Variants in SEC23IP observed in about 807,000 individuals in gnomAD.
The protein encoded by SEC23IP is SEC23-interacting protein.
In SEC23IP, 70 loss-of-function variants were observed where a neutral mutation model predicts 113.4. That is an observed-to-expected ratio of 0.62 (90% CI 0.51 to 0.75). The LOEUF (loss-of-function observed/expected upper bound fraction) is 0.75, where lower values mean the gene tolerates loss of function less well. Ranked by LOEUF, SEC23IP falls within the 30% of genes least tolerant of loss-of-function variation. SEC23IP has a pLI of 0.00. For synonymous variants in SEC23IP, 398 were observed against 421.0 expected (o/e 0.95, Z 0.67); for missense variants, 1,160 against 1,204.9 (o/e 0.96, Z 0.55).
intron 15 of SEC23IP, 151 bp from the exon 16 acceptor site, chr10:119,931,982 G>A: frequency 2.0e-6 from 1 of 502,250 alleles, no homozygotes; most frequent in Non-Finnish European, 3.6e-6. Context: ...ACATGCTGAG[G>A]GTTCTTGGCT....
chr10:119,929,797 CT>C, intron 14 of SEC23IP, 35 bp downstream of exon 14: 2 of 1,464,298 alleles, frequency 1.4e-6, no homozygotes, highest in East Asian at 2.3e-5. Context: ...TTTTAAAATC[CT>C]TTTTTCTTTT....
intron 4 of SEC23IP, 193 bp downstream of exon 4, chr10:119,904,470 A>G (rs1854599697): frequency 1.7e-6 from 1 of 571,590 alleles, no homozygotes; most frequent in African/African-American, 1.9e-5. Flanking sequence ...GTGTCTAAAG[A>G]TAGAATATGA....
chr10:119,900,041 T>C (rs959383295), intron 2 of SEC23IP, among the ~76,000 whole-genome samples: 1 of 150,972 alleles, frequency 6.6e-6, no homozygotes, highest in Non-Finnish European at 1.5e-5. Flanking sequence ...TTCCCTCCCT[T>C]CCCCTCATCG....
rs772968329 is a variant in SEC23IP at position 119,917,815 on chromosome 10, T to C, written c.1545-21T>C. On this transcript the variant is annotated intron_variant, in intron 8 of 18. Transcript: ENST00000369075. The stretch of plus-strand genomic sequence containing the variant: ...TAAGGTAGATGCTGACTGAATGTGC[T>C]GTATTTTTCTTTTTAAACAGGAATA... 7.0e-6 allele frequency: 11 copies of C among 1,579,044 alleles called. No individual in the cohort carries two copies. In the African/African-American group the frequency reaches 1.3e-4, roughly 19 times the overall value.
intron 14 of SEC23IP, among the ~76,000 whole-genome samples, 192 bp from the exon 15 acceptor site, chr10:119,930,136 TG>T (rs373828677): frequency 1.3e-5 from 2 of 152,246 alleles, no homozygotes; most frequent in African/African-American, 4.8e-5. Flanking sequence ...ATAATTCTTT[TG>T]CTTTGCTTGC....
Position 119,920,980 on chromosome 10 carries a change from A to C in SEC23IP, c.2117A>C (p.Lys706Thr). Residue 706 changes from lysine to threonine, a missense_variant, in exon 12 of 19, where the codon AAA (lysine) becomes ACA (threonine). Physicochemically the swap from Lys to Thr is moderately conservative, Grantham distance 78. Transcript: ENST00000369075. ...IANFVEHKAA[K>T]LKKAASEKKA... ...AACTTTGTAGAACATAAAGCAGCCAAACTGGTAAAGTTCACCTCTGACTCA... is the reference window on the plus strand; with the variant it reads ...AACTTTGTAGAACATAAAGCAGCCACACTGGTAAAGTTCACCTCTGACTCA... 6.2e-7 allele frequency: 1 copy of C among 1,610,766 alleles called. No homozygotes were observed. The highest frequency in any genetic ancestry group is 2.2e-5 in the East Asian group (1 of 44,852).
intron 10 of SEC23IP, among the ~76,000 whole-genome samples, chr10:119,918,724 T>C (rs1855137630): frequency 6.6e-6 from 1 of 152,080 alleles, no homozygotes; most frequent in Non-Finnish European, 1.5e-5. Context: ...CTGGCATCAA[T>C]AACTCTTCAG....
chr10:119,904,445 C>T (rs1168975515), intron 4 of SEC23IP, 168 bp downstream of exon 4: 3 of 608,800 alleles, frequency 4.9e-6, no homozygotes, highest in Non-Finnish European at 8.7e-6. Flanking sequence ...TCATGAGGTG[C>T]TAATCGTGGC....
chr10:119,894,603 A>G (rs1457512416), intron 1 of SEC23IP, among the ~76,000 whole-genome samples: 1 of 152,242 alleles, frequency 6.6e-6, no homozygotes, highest in Non-Finnish European at 1.5e-5. Context: ...ATGGGAGTCA[A>G]AATGATGTCT....
intron 15 of SEC23IP, among the ~76,000 whole-genome samples, chr10:119,931,332 T>C (rs915014422): frequency 1.3e-5 from 2 of 149,552 alleles, no homozygotes; most frequent in African/African-American, 4.9e-5. Flanking sequence ...AGAAAAACAG[T>C]GATTTTTAAA....
chr10:119,927,982 C>G lies in SEC23IP; in HGVS notation c.2314-1625C>G, dbSNP rs17692995. Among the ~76,000 whole-genome samples the G allele has an allele frequency of 3.9e-3, 601 of 152,332 alleles. 2 individuals are homozygous for G. Among genetic ancestry groups the G allele is most frequent in the Non-Finnish European group, 7.0e-3 (473 of 68,038 alleles). On this transcript the variant is annotated intron_variant, in intron 13 of 18. Coordinates refer to ENST00000369075, the MANE Select transcript of SEC23IP (RefSeq NM_007190.4). The stretch of plus-strand genomic sequence containing the variant: ...CTGTTTCCTCTGTCCATTGCCAGTA[C>G]TGGTATTATCATTTTCCTTTAAAAA...
In SEC23IP at chr10:119,912,094, G is replaced by A. The variant is rs146017364; in HGVS notation, c.1242G>A (p.Thr414=). The part of the protein sequence containing the change: ...PSSVPDEWGT[T]QDGQTRPRVV... The stretch of plus-strand genomic sequence containing the variant: ...CAGTGCCAGATGAATGGGGCACCAC[G>A]CAAGATGGACAGACAAGGCCCAGGG... Residue 414 remains threonine (T), a synonymous_variant, in exon 6 of 19, where the codon ACG becomes ACA. Coordinates refer to ENST00000369075, the MANE Select transcript of SEC23IP (RefSeq NM_007190.4). The A allele has an allele frequency of 8.7e-6, 14 of 1,613,964 alleles. No homozygotes were observed. Among genetic ancestry groups the A allele is most frequent in the South Asian group, 3.3e-5 (3 of 91,072 alleles).
intron 1 of SEC23IP, among the ~76,000 whole-genome samples, chr10:119,894,004 A>G (rs1405372825): frequency 1.3e-5 from 2 of 152,206 alleles, no homozygotes; most frequent in Non-Finnish European, 2.9e-5. Context: ...TCTGTATTCC[A>G]GTCCTTGCCC....
intron 1 of SEC23IP, 73 bp downstream of exon 1, chr10:119,893,018 G>A: frequency 6.7e-7 from 1 of 1,501,670 alleles, no homozygotes; most frequent in Admixed American, 2.0e-5. Flanking sequence ...GGTCAGACGG[G>A]AGTTTTTCCT....
intron 6 of SEC23IP, 146 bp from the exon 7 acceptor site, chr10:119,914,583 TA>T (rs1344804475): frequency 1.6e-6 from 1 of 644,976 alleles, no homozygotes. Context: ...TCTAATTTGA[TA>T]GGGGTAATGA....
At chr10:119,901,130 C>T (rs1854486467) in intron 2 of SEC23IP, among the ~76,000 whole-genome samples, 1 of 150,464 alleles carries the variant, frequency 6.6e-6, no homozygotes, top group Admixed American at 6.7e-5. Context: ...ACTTCAGCCT[C>T]AGGAGTAGCT....
chr10:119,908,358 A>G (rs1367433388), intron 4 of SEC23IP, among the ~76,000 whole-genome samples: 1 of 152,202 alleles, frequency 6.6e-6, no homozygotes, highest in Non-Finnish European at 1.5e-5. Flanking sequence ...AGTACTTAAA[A>G]TGTCTATTAT....
rs190593618 is a variant in SEC23IP at position 119,914,683 on chromosome 10, A to G, written c.1313-47A>G. 1.6e-3 allele frequency: 2,442 copies of G among 1,510,284 alleles called. 6 individuals are homozygous for G. Among genetic ancestry groups the G allele is most frequent in the Non-Finnish European group, 1.8e-3 (1,912 of 1,087,076 alleles). 93.6% of individuals were successfully genotyped at this position (1,510,284 alleles called of 1,614,324 possible). ...TAGAATATTGCCATTAGGAAAATCCAAACAAATTCCCATCTTTTATGTAGG... is the reference window on the plus strand; with the variant it reads ...TAGAATATTGCCATTAGGAAAATCCGAACAAATTCCCATCTTTTATGTAGG... On this transcript the variant is annotated intron_variant, in intron 6 of 18. Transcript: ENST00000369075.
chr10:119,926,292 T>C (rs1855419755), intron 13 of SEC23IP, 65 bp downstream of exon 13: 1 of 1,445,400 alleles, frequency 6.9e-7, no homozygotes, highest in Non-Finnish European at 9.4e-7. Context: ...ATCATTTGGG[T>C]TGGCTTTAAG....
Sources: gnomAD v4.1 joint callset for allele counts (sites outside exome capture counted in the v4.1 genomes callset) on GRCh38, gnomAD v4.1.1 for gene constraint, MANE v1.5 for transcripts, NCBI Gene and HGNC (gene_info 2026-07-23, HGNC 2026-07-21) for gene names.